The following ZDHHC3 variants were observed in gnomAD, a reference collection of about 807,000 sequenced individuals.
ZDHHC3 encodes zDHHC palmitoyltransferase 3, also known as palmitoyltransferase ZDHHC3.
A neutral mutation model predicts 30.6 loss-of-function variants in ZDHHC3; 9 were observed. The ratio of observed to expected loss-of-function variants is 0.29; its 90% CI spans 0.18 to 0.51. The LOEUF is 0.51. ZDHHC3 is among the 20% of genes least tolerant of loss of function. The pLI is 0.97. For missense variants in ZDHHC3, 246 were observed against 384.2 expected (o/e 0.64, Z 3.01); for synonymous variants, 136 against 140.2 (o/e 0.97, Z 0.21).
chr3:44,962,764 T>A (rs573866754), intron 1 of ZDHHC3, among the ~76,000 whole-genome samples: 1 of 152,224 alleles, frequency 6.6e-6, no homozygotes, highest in South Asian at 2.1e-4. Context: ...TATATGATCC[T>A]TTGTCTTCCT....
chr3:44,966,436 T>C (rs147176605), intron 1 of ZDHHC3, among the ~76,000 whole-genome samples: 375 of 152,300 alleles, frequency 2.5e-3, no homozygotes, highest in African/African-American at 7.2e-3. Context: ...CCTTAAACAA[T>C]CACTTAAAAT....
rs377223088 is a variant in ZDHHC3, at chr3:44,937,016, A to C, written c.432-3032T>G. ...CCAGCCAATAGATGTGCTCATTGACAATTTTTTTTCAATTCATTATTTTAA... is the reference window on the plus strand; with the variant it reads ...CCAGCCAATAGATGTGCTCATTGACCATTTTTTTTCAATTCATTATTTTAA... On this transcript the variant is annotated intron_variant, in intron 3 of 6. Coordinates refer to ENST00000424952, the MANE Select transcript of ZDHHC3 (RefSeq NM_001135179.2). Among the ~76,000 whole-genome samples the C allele has an allele frequency of 3.1e-4, 47 of 152,078 alleles. No homozygotes were observed. The East Asian group carries it at 8.3e-3, about 27-fold the overall frequency.
chr3:44,971,011 C>A (rs1308970875), intron 1 of ZDHHC3, among the ~76,000 whole-genome samples: 1 of 152,188 alleles, frequency 6.6e-6, no homozygotes, highest in African/African-American at 2.4e-5. Context: ...GACTAAGATG[C>A]CCGGAAGTCT....
At chr3:44,933,498 T>C in intron 4 of ZDHHC3, 1 of 553,256 alleles carries the variant, frequency 1.8e-6, no homozygotes, top group Non-Finnish European at 3.2e-6. Context: ...TCAAGCCTGC[T>C]GTACCTCCTC....
rs1700782237 is a variant in ZDHHC3 at position 44,923,817 on chromosome 3, A to G, written c.*2872T>C. The G allele has an allele frequency of 1.9e-5, 19 of 985,254 alleles. No individual in the cohort carries two copies. Among genetic ancestry groups the G allele is most frequent in the Non-Finnish European group, 2.3e-5 (19 of 829,926 alleles). The allele number at this position is 985,254 out of a possible 1,614,324, so 61.0% of individuals were successfully genotyped here. On this transcript the variant is annotated 3_prime_UTR_variant, in exon 7 of 7. Transcript: ENST00000424952. ...GACCTTGTCTCAAACAAAAAAGAGG[A>G]AGTACAGTATGAAGAAGACAAAATG...
At chr3:44,929,039 T>G (rs1249558485) in intron 6 of ZDHHC3, among the ~76,000 whole-genome samples, 2 of 152,048 alleles carry the variant, frequency 1.3e-5, no homozygotes, top group Non-Finnish European at 2.9e-5. Context: ...ATGGGGGGGA[T>G]GGAAGGAAAT....
In ZDHHC3 at chr3:44,924,624, A is replaced by G. The variant is rs35365604; in HGVS notation, c.*2065T>C. 1 of 985,472 alleles carries G rather than the reference A, an allele frequency of 1.0e-6. No homozygotes were observed. Among genetic ancestry groups the G allele is most frequent in the African/African-American group, 1.7e-5 (1 of 57,374 alleles). The allele number at this position is 985,472 out of a possible 1,614,324, so 61.0% of individuals were successfully genotyped here. ...GCATTCCTGAGAAATGCCAGGGGAA[A>G]AGAGCTAACCTGGCTCACTTTAAAA... is the stretch of plus-strand genomic sequence containing the variant. On this transcript the variant is annotated 3_prime_UTR_variant, in exon 7 of 7. Transcript: ENST00000424952.
chr3:44,963,254 G>A (rs1704634307), intron 1 of ZDHHC3, among the ~76,000 whole-genome samples: 1 of 152,156 alleles, frequency 6.6e-6, no homozygotes, highest in South Asian at 2.1e-4. Context: ...ACCCTCACTG[G>A]TGAGCGAGAA....
At chr3:44,955,479 A>ATATG (rs1347395809) in intron 2 of ZDHHC3, among the ~76,000 whole-genome samples, 1 of 125,200 alleles carries the variant, frequency 8.0e-6, no homozygotes, top group Non-Finnish European at 1.7e-5. Context: ...ATATATATGT[A>ATATG]TATATATATA....
chr3:44,956,413 C>A (rs899882915), intron 2 of ZDHHC3, among the ~76,000 whole-genome samples: 14 of 152,188 alleles, frequency 9.2e-5, no homozygotes, highest in African/African-American at 3.1e-4. Flanking sequence ...CCAGTGCTCC[C>A]CAGGCTGCTC....
rs1254083843 is a variant in ZDHHC3 at position 44,918,523 on chromosome 3, T to C, written c.*8166A>G. 1.0e-6 allele frequency: 1 copy of C among 985,294 alleles called. No homozygotes were observed. The highest frequency in any genetic ancestry group is 1.1e-4 in the East Asian group (1 of 8,818). 61.0% of individuals were successfully genotyped at this position (985,294 alleles called of 1,614,324 possible). ...GGGACCACACATCCTCTGAGGCCAC[T>C]ACAAACTGGTGATCCCCTCCTAAAT... is the stretch of plus-strand genomic sequence containing the variant. On this transcript the variant is annotated 3_prime_UTR_variant, in exon 7 of 7. Transcript: ENST00000424952.
Position 44,922,176 on chromosome 3 carries a change from A to G in ZDHHC3, c.*4513T>C, listed in dbSNP as rs57139908. 3.4e-3 allele frequency: 3,304 copies of G among 985,446 alleles called. 99 individuals are homozygous for G. In the African/African-American group the frequency reaches 0.053, roughly 16 times the overall value. 61.0% of individuals were successfully genotyped at this position (985,446 alleles called of 1,614,324 possible). ...TGAGGTGATCCTAAGCCAGATACATATTTAAAGAATACAAGAAAAAGCCAC... is the reference window on the plus strand; with the variant it reads ...TGAGGTGATCCTAAGCCAGATACATGTTTAAAGAATACAAGAAAAAGCCAC... On this transcript the variant is annotated 3_prime_UTR_variant, in exon 7 of 7. Coordinates refer to ENST00000424952, the MANE Select transcript of ZDHHC3 (RefSeq NM_001135179.2).
chr3:44,970,710 T>C (rs966598764), intron 1 of ZDHHC3, among the ~76,000 whole-genome samples: 1 of 152,262 alleles, frequency 6.6e-6, no homozygotes, highest in Non-Finnish European at 1.5e-5. Flanking sequence ...TGTTTAGTTT[T>C]TTCAATCAAG....
intron 2 of ZDHHC3, among the ~76,000 whole-genome samples, chr3:44,945,834 G>C (rs1458924412): frequency 6.6e-6 from 1 of 152,168 alleles, no homozygotes; most frequent in Admixed American, 6.5e-5. Context: ...TGGGATTACA[G>C]GTGCAAGCCA....
At position 44,942,093 on chromosome 3, in the gene ZDHHC3, T is replaced by A. The variant is rs138097497; in HGVS notation, c.431+3075A>T. Among the ~76,000 whole-genome samples, 76 of 152,336 alleles carry A rather than the reference T, an allele frequency of 5.0e-4. No individual in the cohort carries two copies. In the East Asian group the frequency reaches 0.012, roughly 24 times the overall value. ...AACACCTACAGGCCCAAGGTCTAGGTGTATCTGTGGTATCCACCAGAGACA... is the reference window on the plus strand; with the variant it reads ...AACACCTACAGGCCCAAGGTCTAGGAGTATCTGTGGTATCCACCAGAGACA... On this transcript the variant is annotated intron_variant, in intron 3 of 6. Transcript: ENST00000424952.
At chr3:44,944,562 T>C (rs1164223448) in intron 3 of ZDHHC3, among the ~76,000 whole-genome samples, 4 of 152,162 alleles carry the variant, frequency 2.6e-5, no homozygotes, top group African/African-American at 9.7e-5. Flanking sequence ...GGATTACAGG[T>C]GTAAGTCACT....
chr3:44,926,481 C>T lies in ZDHHC3; in HGVS notation c.*208G>A. 2.3e-6 allele frequency: 3 copies of T among 1,283,952 alleles called. No individual in the cohort carries two copies. The highest frequency in any genetic ancestry group is 2.9e-6 in the Non-Finnish European group (3 of 1,018,938). 79.5% of individuals were successfully genotyped at this position (1,283,952 alleles called of 1,614,324 possible). A position where few individuals can be genotyped will look rare whatever the true frequency, so the allele number is the denominator to read the frequency against. On this transcript the variant is annotated 3_prime_UTR_variant, in exon 7 of 7. Transcript: ENST00000424952. ...AAGGAAAAGAGAGCAGCTTCGGTCA[C>T]CAAAAGAAATCGAAAGGATGGTTTT...
At chr3:44,953,717 T>A (rs1255774085) in intron 2 of ZDHHC3, among the ~76,000 whole-genome samples, 10 of 152,208 alleles carry the variant, frequency 6.6e-5, no homozygotes, top group Non-Finnish European at 1.5e-5. Flanking sequence ...AATGGGCTGC[T>A]TTCCTCCCTC....
rs1455824469 is a variant in ZDHHC3, at chr3:44,976,052, TC to T, written c.-145del. The T allele has an allele frequency of 4.9e-6, 2 of 408,072 alleles. No individual in the cohort carries two copies. The highest frequency in any genetic ancestry group is 8.6e-6 in the Non-Finnish European group (2 of 232,334). The allele number at this position is 408,072 out of a possible 1,614,324, so 25.3% of individuals were successfully genotyped here. A position where few individuals can be genotyped will look rare whatever the true frequency, so the allele number is the denominator to read the frequency against. ...GGCCTCGGGCTTCGGCGATGGCTCC[TC>T]GGAACGAGGCGCCGCGGCTCTCTGG... On this transcript the variant is annotated 5_prime_UTR_variant, in exon 1 of 7. Transcript: ENST00000424952.
Sources: allele counts gnomAD v4.1 joint callset (sites outside exome capture counted in the v4.1 genomes callset), GRCh38; gene constraint gnomAD v4.1.1; transcripts MANE v1.5; gene names NCBI Gene and HGNC (gene_info 2026-07-23, HGNC 2026-07-21).